Variants in ZFHX3 observed in about 807,000 individuals in gnomAD.
ZFHX3 encodes zinc finger homeobox 3.
A neutral mutation model predicts 279.1 loss-of-function variants in ZFHX3; 42 were observed. The observed-to-expected ratio is 0.15, with a 90% CI of 0.12 to 0.19. ZFHX3 has a LOEUF of 0.19. Ranked by LOEUF, ZFHX3 falls within the 10% of genes least tolerant of loss-of-function variation. The pLI is 1.00. For missense variants in ZFHX3, 4,981 were observed against 4,754.0 expected (o/e 1.05, Z -1.40); for synonymous variants, 2,293 against 1,957.8 (o/e 1.17, Z -4.52).
chr16:73,556,132 A>G (rs1052165473), intron 2 of ZFHX3, among the ~76,000 whole-genome samples: 3 of 152,290 alleles, frequency 2.0e-5, no homozygotes, highest in East Asian at 1.9e-4. Context: ...TGCGGCCTTA[A>G]TTGGACCTCT....
chr16:73,686,654 T>C (rs958170434), intron 1 of ZFHX3, among the ~76,000 whole-genome samples: 14 of 152,268 alleles, frequency 9.2e-5, no homozygotes, highest in Middle Eastern at 3.4e-3. Flanking sequence ...GCAGGCTGTA[T>C]TCCCTCTGGT....
intron 3 of ZFHX3, among the ~76,000 whole-genome samples, chr16:72,916,655 G>C (rs982980511): frequency 6.6e-6 from 1 of 152,056 alleles, no homozygotes; most frequent in African/African-American, 2.4e-5. Flanking sequence ...AAGAAAAGGC[G>C]AATTAATAAA....
intron 8 of ZFHX3, among the ~76,000 whole-genome samples, chr16:73,076,582 A>G (rs938928740): frequency 6.6e-6 from 1 of 152,200 alleles, no homozygotes; most frequent in Non-Finnish European, 1.5e-5. Flanking sequence ...CTCATCATAA[A>G]AGTAATATCA....
At chr16:73,525,610 T>C (rs755721720) in intron 2 of ZFHX3, among the ~76,000 whole-genome samples, 60 of 152,264 alleles carry the variant, frequency 3.9e-4, no homozygotes, top group Admixed American at 2.2e-3. Context: ...TGCACACCAG[T>C]GTACCCCAAG....
intron 4 of ZFHX3, among the ~76,000 whole-genome samples, chr16:72,855,827 A>G (rs543145611): frequency 3.9e-5 from 6 of 152,314 alleles, no homozygotes; most frequent in South Asian, 2.1e-4. Flanking sequence ...TGCAGCCTAG[A>G]TAAGTTGTTG....
intron 4 of ZFHX3, among the ~76,000 whole-genome samples, chr16:72,873,279 C>T (rs1296288617): frequency 2.6e-5 from 4 of 152,184 alleles, no homozygotes; most frequent in Non-Finnish European, 4.4e-5. Context: ...TCAACATGCC[C>T]TAATGTTTTC....
At chr16:73,241,996 A>G (rs1234796679) in intron 5 of ZFHX3, among the ~76,000 whole-genome samples, 1 of 152,064 alleles carries the variant, frequency 6.6e-6, no homozygotes, top group Admixed American at 6.6e-5. Context: ...AATCACTGTG[A>G]GGCTTAAATG....
chr16:73,667,353 G>A (rs1045522718), intron 2 of ZFHX3, among the ~76,000 whole-genome samples: 1 of 152,164 alleles, frequency 6.6e-6, no homozygotes, highest in East Asian at 1.9e-4. Context: ...AGGTTTTGGC[G>A]ATTATGAGTA....
intron 3 of ZFHX3, among the ~76,000 whole-genome samples, chr16:73,379,332 C>T (rs1597309028): frequency 6.6e-6 from 1 of 152,088 alleles, no homozygotes; most frequent in East Asian, 1.9e-4. Flanking sequence ...GCCCCAATCT[C>T]AGCACAGGCC....
rs1352831152 is a variant in ZFHX3 at position 72,788,518 on chromosome 16, G to T, written c.9758C>A (p.Pro3253His). Residue 3253 changes from proline to histidine, a missense_variant, in exon 10 of 10, where the codon CCC becomes CAC. Pro to His is a moderately conservative substitution (Grantham distance 77). Transcript: ENST00000268489. ...TTTCTCCTTCTTGGGGACAGGCAGGGGTTCCCCTTTCCCTTTGTGTGCCTT... is the reference window on the plus strand; with the variant it reads ...TTTCTCCTTCTTGGGGACAGGCAGGTGTTCCCCTTTCCCTTTGTGTGCCTT... ...KEKAHKGKGE[P>H]LPVPKKEKGE... The T allele has an allele frequency of 2.5e-6, 4 of 1,614,066 alleles. No homozygotes were observed. The highest frequency in any genetic ancestry group is 3.4e-6 in the Non-Finnish European group (4 of 1,180,042).
At chr16:73,352,181 G>T (rs542286160) in intron 3 of ZFHX3, among the ~76,000 whole-genome samples, 1 of 152,126 alleles carries the variant, frequency 6.6e-6, no homozygotes, top group Admixed American at 6.5e-5. Context: ...CCTCTCACCC[G>T]CAGAGAGGGC....
intron 1 of ZFHX3, among the ~76,000 whole-genome samples, chr16:73,807,130 C>T (rs1385095262): frequency 6.6e-6 from 1 of 152,126 alleles, no homozygotes; most frequent in Non-Finnish European, 1.5e-5. Context: ...CTGGAGCACC[C>T]GAGAAGAGGC....
chr16:73,606,246 G>T (rs957656016), intron 2 of ZFHX3, among the ~76,000 whole-genome samples: 2 of 134,918 alleles, frequency 1.5e-5, no homozygotes, highest in Non-Finnish European at 3.1e-5. Context: ...GGTGGCTCAC[G>T]CCTGTAATCC....
chr16:73,509,211 T>C (rs1404267673), intron 2 of ZFHX3, among the ~76,000 whole-genome samples: 1 of 152,204 alleles, frequency 6.6e-6, no homozygotes, highest in Non-Finnish European at 1.5e-5. Context: ...ACGTTCTTTC[T>C]TTTTAAAATG....
chr16:72,796,778 C>T lies in ZFHX3; in HGVS notation c.5904G>A (p.Gln1968=), dbSNP rs770278680. The T allele has an allele frequency of 1.5e-5, 24 of 1,613,620 alleles. 1 individual carries two copies. The East Asian group carries it at 5.1e-4, about 35-fold the overall frequency. Residue 1968 remains glutamine (Q), a synonymous_variant, in exon 9 of 10, where the codon CAG becomes CAA. Coordinates refer to ENST00000268489, the MANE Select transcript of ZFHX3 (RefSeq NM_006885.4). ...IQYNENKQKV[Q]KKNGKTDQGE... ...CCTGGTCAGTCTTCCCATTCTTTTT[C>T]TGCACCTTCTGCTTGTTCTCATTAT...
intron 2 of ZFHX3, among the ~76,000 whole-genome samples, chr16:73,509,997 T>C (rs906033282): frequency 6.6e-6 from 1 of 152,168 alleles, no homozygotes; most frequent in Non-Finnish European, 1.5e-5. Context: ...CGCCCGGCCT[T>C]TGCCTGTCTC....
In ZFHX3 at chr16:72,797,069, G is replaced by T. The variant is rs777963608; in HGVS notation, c.5613C>A (p.Ser1871Arg). 4 of 1,613,924 alleles carry T rather than the reference G, an allele frequency of 2.5e-6. No individual in the cohort carries two copies. The highest frequency in any genetic ancestry group is 3.4e-6 in the Non-Finnish European group (4 of 1,179,994). Residue 1871 changes from serine (S) to arginine (R), a missense_variant, in exon 9 of 10, where the codon AGC becomes AGA. Transcript: ENST00000268489. The stretch of plus-strand genomic sequence containing the variant: ...ATTTGTTCTTCTTTTCGGGGTGCTG[G>T]CTTGGCTGAAGGAGGGCAGAGTGAC... ...AQSHSALLQP[S>R]QHPEKKNKLV...
chr16:72,828,957 C>T (rs534888170), intron 5 of ZFHX3, among the ~76,000 whole-genome samples: 20 of 151,090 alleles, frequency 1.3e-4, no homozygotes, highest in Admixed American at 2.6e-4. Context: ...TCCCAAAGTG[C>T]TGGGATTACA....
intron 1 of ZFHX3, among the ~76,000 whole-genome samples, chr16:73,843,831 T>A (rs1961376981): frequency 6.6e-6 from 1 of 152,214 alleles, no homozygotes; most frequent in South Asian, 2.1e-4. Context: ...ACCTCTGTCG[T>A]ATGACAACAG....
Sources: allele counts gnomAD v4.1 joint callset (sites outside exome capture counted in the v4.1 genomes callset), GRCh38; gene constraint gnomAD v4.1.1; transcripts MANE v1.5; gene names NCBI Gene and HGNC (gene_info 2026-07-23, HGNC 2026-07-21).